Variants in SPATA9 observed in about 807,000 individuals in gnomAD.
The protein encoded by SPATA9 is spermatogenesis associated 9, also known as spermatogenesis-associated protein 9.
SPATA9 carries 27 observed loss-of-function variants against 25.5 expected under a neutral mutation model. The ratio of observed to expected loss-of-function variants is 1.06; its 90% CI spans 0.78 to 1.46. SPATA9 has a LOEUF of 1.46. SPATA9 is among the 40% of genes most tolerant of loss of function. The pLI is 0.00. For synonymous variants in SPATA9, 102 were observed against 105.7 expected (o/e 0.97, Z 0.21); for missense variants, 282 against 297.5 (o/e 0.95, Z 0.38).
upstream of SPATA9, among the ~76,000 whole-genome samples, chr5:95,699,726 G>A (rs1399997555): frequency 3.9e-5 from 6 of 152,188 alleles, no homozygotes; most frequent in East Asian, 1.9e-4. Flanking sequence ...GGAGAAATAC[G>A]GAAATTGCCA....
In SPATA9 at chr5:95,682,591, C is replaced by G; in HGVS notation, c.87G>C (p.Met29Ile). 6.2e-7 allele frequency: 1 copy of G among 1,613,664 alleles called. No homozygotes were observed. Among genetic ancestry groups the G allele is most frequent in the Non-Finnish European group, 8.5e-7 (1 of 1,179,830 alleles). ...CATCTTTAAACTCATCTACAAGGTC[C>G]ATGATTGCTTTCTGGATCCCCTCGA... is the stretch of plus-strand genomic sequence containing the variant. ...GRIEGIQKAI[M>I]DLVDEFKDEF... Residue 29 changes from methionine (M) to isoleucine (I), a missense_variant, in exon 2 of 5, where the codon ATG (methionine) becomes ATC (isoleucine). Coordinates refer to ENST00000274432, the MANE Select transcript of SPATA9 (RefSeq NM_031952.4).
At chr5:95,714,279 T>C in the SPATA9 span, among the ~76,000 whole-genome samples, 1 of 152,114 alleles carries the variant, frequency 6.6e-6, no homozygotes, top group African/African-American at 2.4e-5. Flanking sequence ...GAGTCATCAA[T>C]GTAGGAGCAA....
Position 95,675,493 on chromosome 5 carries a change from G to T in SPATA9, c.297C>A (p.Cys99Ter), listed in dbSNP as rs778365308. Reference protein sequence around the residue: ...VAKLLHPQLACRLLELRDISG... With the variant: ...VAKLLHPQLA ...ATATGTCCCTTAGCTCTAAAAGTCT[G>T]CATGCAAGCTGAGGATGCAGAAGTT... The change falls in exon 3 of 5, where the codon TGC (cysteine) becomes TGA (stop). Residue 99 changes from cysteine to a stop codon, truncating the protein, a stop_gained. Transcript: ENST00000274432. LOFTEE classifies it high-confidence loss of function. The T allele has an allele frequency of 2.5e-6, 4 of 1,614,180 alleles. No homozygotes were observed. Among genetic ancestry groups the T allele is most frequent in the Non-Finnish European group, 1.7e-6 (2 of 1,180,030 alleles).
upstream of SPATA9, among the ~76,000 whole-genome samples, chr5:95,699,491 G>A (rs1383656274): frequency 6.6e-6 from 1 of 152,088 alleles, no homozygotes; most frequent in Non-Finnish European, 1.5e-5. Flanking sequence ...GAGGAATCAA[G>A]ACTAAGAACA....
At chr5:95,672,381 C>T (rs747837267) in intron 3 of SPATA9, among the ~76,000 whole-genome samples, 2 of 151,726 alleles carry the variant, frequency 1.3e-5, no homozygotes, top group Non-Finnish European at 2.9e-5. Context: ...AGATTGGTCT[C>T]AGGTTGCTGG....
At chr5:95,722,307 T>C in the SPATA9 span, among the ~76,000 whole-genome samples, 1 of 152,116 alleles carries the variant, frequency 6.6e-6, no homozygotes, top group Admixed American at 6.5e-5. Flanking sequence ...TTAGAGTTTG[T>C]TGGAAAGAAG....
chr5:95,711,317 G>C, the SPATA9 span, among the ~76,000 whole-genome samples: 39 of 152,278 alleles, frequency 2.6e-4, no homozygotes, highest in Non-Finnish European at 5.1e-4. Flanking sequence ...TCTCCTCAGA[G>C]GTAAAGAGAG....
At chr5:95,720,913 A>G in the SPATA9 span, among the ~76,000 whole-genome samples, 1 of 152,204 alleles carries the variant, frequency 6.6e-6, no homozygotes, top group Non-Finnish European at 1.5e-5. Flanking sequence ...GCCATATTTT[A>G]CCGAAGAAAA....
chr5:95,697,057 G>C (rs1240157741), intron 1 of SPATA9, among the ~76,000 whole-genome samples: 1 of 152,118 alleles, frequency 6.6e-6, no homozygotes, highest in Non-Finnish European at 1.5e-5. Flanking sequence ...TCTTTGCATA[G>C]CAAATTACCC....
At chr5:95,672,459 T>G (rs392623) in intron 3 of SPATA9, among the ~76,000 whole-genome samples, 76,006 of 149,928 alleles carry the variant, frequency 0.51, 19,124 homozygotes, top group South Asian at 0.54. Flanking sequence ...AAAGAGGTTT[T>G]TTTTTTTTTT....
chr5:95,714,018 T>C, the SPATA9 span, among the ~76,000 whole-genome samples: 1 of 152,208 alleles, frequency 6.6e-6, no homozygotes, highest in African/African-American at 2.4e-5. Flanking sequence ...AATCATATCA[T>C]CTGAAAATGA....
downstream of SPATA9, chr5:95,657,477 GAGA>G (rs1750832553): frequency 6.6e-6 from 1 of 151,964 alleles, no homozygotes; most frequent in African/African-American, 2.4e-5. Context: ...AATTCAGAGT[GAGA>G]AGAACTGTCA....
At chr5:95,731,451 C>T in the SPATA9 span, 1 of 1,212,224 alleles carries the variant, frequency 8.2e-7, no homozygotes. Flanking sequence ...CGGGCACTCC[C>T]TGAGTAGCGG....
the SPATA9 span, among the ~76,000 whole-genome samples, chr5:95,705,549 A>T: frequency 6.6e-6 from 1 of 152,178 alleles, no homozygotes; most frequent in Non-Finnish European, 1.5e-5. Flanking sequence ...TTTTCTTTAA[A>T]AATTCAGTAA....
chr5:95,731,919 G>A, the SPATA9 span: 8 of 1,614,132 alleles, frequency 5.0e-6, no homozygotes, highest in East Asian at 1.6e-4. Flanking sequence ...ACAACCGGCC[G>A]TCGGGGCTTA....
the SPATA9 span, among the ~76,000 whole-genome samples, chr5:95,718,279 CAG>C: frequency 1.6e-3 from 249 of 152,006 alleles, 1 homozygote; most frequent in African/African-American, 5.4e-3. Flanking sequence ...GAGTTGAAGA[CAG>C]GGGAGAAGAA....
At chr5:95,680,881 T>C (rs1163762810) in intron 2 of SPATA9, among the ~76,000 whole-genome samples, 1 of 152,186 alleles carries the variant, frequency 6.6e-6, no homozygotes, top group Non-Finnish European at 1.5e-5. Flanking sequence ...TCATCTTGTC[T>C]TTGGTCCTAG....
chr5:95,675,445 A>G lies in SPATA9; in HGVS notation c.345T>C (p.Val115=), dbSNP rs1217485457. 6.2e-7 allele frequency: 1 copy of G among 1,614,184 alleles called. No homozygotes were observed. The highest frequency in any genetic ancestry group is 1.7e-5 in the Admixed American group (1 of 60,014). Residue 115 remains valine (V), a synonymous_variant, in exon 3 of 5, where the codon GTT becomes GTC. Transcript: ENST00000274432. ...RDISGRLLRE[V]NAPRQPLYNI... The stretch of plus-strand genomic sequence containing the variant: ...TATATAGGGGTTGCCTCGGCGCATT[A>G]ACTTCCCTCAGCAGACGACCAGATA...
At chr5:95,686,584 C>G (rs1391327188), upstream of SPATA9, among the ~76,000 whole-genome samples, 1 of 152,104 alleles carries the variant, frequency 6.6e-6, no homozygotes, top group Non-Finnish European at 1.5e-5. Context: ...ATAAATCAAT[C>G]GAGCGTGCAG....
Sources: gnomAD v4.1 joint callset for allele counts (sites outside exome capture counted in the v4.1 genomes callset) on GRCh38, gnomAD v4.1.1 for gene constraint, MANE v1.5 for transcripts, NCBI Gene and HGNC (gene_info 2026-07-23, HGNC 2026-07-21) for gene names.